The following LDB2 variants were observed in gnomAD, a reference collection of about 807,000 sequenced individuals.
LDB2 encodes the protein LIM domain binding 2.
LDB2 carries 12 observed loss-of-function variants against 44.3 expected under a neutral mutation model. That is an observed-to-expected ratio of 0.27 (90% CI 0.17 to 0.44). The LOEUF (loss-of-function observed/expected upper bound fraction) is 0.44, where lower values mean the gene tolerates loss of function less well. Among genes scored for constraint, LDB2 ranks in the 20% least tolerant of loss-of-function variants. The probability of loss-of-function intolerance (pLI) is 1.00; values close to 1 mark genes in which losing one functional copy is unlikely to be tolerated. For synonymous variants in LDB2, 164 were observed against 174.8 expected (o/e 0.94, Z 0.49); for missense variants, 344 against 473.5 (o/e 0.73, Z 2.54).
chr4:16,623,601 A>C, intron 2 of LDB2, among the ~76,000 whole-genome samples: 1 of 146,216 alleles, frequency 6.8e-6, no homozygotes, highest in East Asian at 2.1e-4. Context: ...TGTCTCAAAA[A>C]TAAATAAATA....
rs553497668 is a variant in LDB2 at position 16,562,904 on chromosome 4, A to T, written c.615+23018T>A. ...TGCAGCCATAAGAAATGATGAGTTC[A>T]TGTCCTTTGTAGGGACATGGATGAA... On this transcript the variant is annotated intron_variant, in intron 5 of 7. Transcript: ENST00000304523. 4.1e-3 allele frequency among the ~76,000 whole-genome samples: 632 copies of T among 152,330 alleles called. 3 individuals carry two copies. Among genetic ancestry groups the T allele is most frequent in the African/African-American group, 0.015 (608 of 41,570 alleles).
At chr4:16,841,671 G>T (rs1228918667) in intron 1 of LDB2, among the ~76,000 whole-genome samples, 2 of 152,152 alleles carry the variant, frequency 1.3e-5, no homozygotes, top group African/African-American at 4.8e-5. Flanking sequence ...ATAGGATGCA[G>T]TATGTGCAAA....
chr4:16,752,931 T>C (rs1403577458), intron 2 of LDB2, among the ~76,000 whole-genome samples: 1 of 151,636 alleles, frequency 6.6e-6, no homozygotes, highest in African/African-American at 2.4e-5. Flanking sequence ...AATTACTTTA[T>C]GGAAGACCAA....
intron 3 of LDB2, among the ~76,000 whole-genome samples, chr4:16,589,854 C>T (rs961074485): frequency 1.3e-5 from 2 of 152,116 alleles, no homozygotes; most frequent in Admixed American, 6.5e-5. Context: ...CTACTTTTTA[C>T]TCATTCTGGA....
At chr4:16,752,301 G>A (rs900028073) in intron 2 of LDB2, 2 of 346,566 alleles carry the variant, frequency 5.8e-6, no homozygotes, top group South Asian at 2.4e-5. Context: ...CTTGATAAAT[G>A]TTTAGTAGTT....
chr4:16,563,929 A>T lies in LDB2; in HGVS notation c.615+21993T>A, dbSNP rs143129546. 2.4e-3 allele frequency among the ~76,000 whole-genome samples: 364 copies of T among 152,292 alleles called. 1 individual carries two copies. Among genetic ancestry groups the T allele is most frequent in the Non-Finnish European group, 4.0e-3 (270 of 68,016 alleles). On this transcript the variant is annotated intron_variant, in intron 5 of 7. Coordinates refer to ENST00000304523, the MANE Select transcript of LDB2 (RefSeq NM_001290.5). ...CAGATCAGACTCCACAGAAGCCCTG[A>T]CATCAAAGATTCTCAATGGGTAGTA...
chr4:16,739,583 AAAAAAAATATATAT>A (rs1561053381), intron 2 of LDB2, among the ~76,000 whole-genome samples: 1 of 85,162 alleles, frequency 1.2e-5, no homozygotes, highest in African/African-American at 5.0e-5. Flanking sequence ...GAAAAAAAAA[AAAAAAAATATATAT>A]ATATATATAT....
At chr4:16,759,328 G>A in intron 1 of LDB2, 68 bp from the exon 2 acceptor site, 3 of 1,198,242 alleles carry the variant, frequency 2.5e-6, no homozygotes, top group Non-Finnish European at 3.7e-6. Context: ...AAGAGAAAAG[G>A]GAAGAGAAAG....
rs57676379 is a variant in LDB2 at position 16,895,238 on chromosome 4, C to T, written c.132+3116G>A. 1.1e-4 allele frequency among the ~76,000 whole-genome samples: 17 copies of T among 151,756 alleles called. No individual in the cohort carries two copies. In the East Asian group the frequency reaches 3.1e-3, roughly 28 times the overall value. ...TTGTAAGAGTTAGAAATAATATTAA[C>T]TCCCAATGCCATCCTCTTTAAACTC... On this transcript the variant is annotated intron_variant, in intron 1 of 7. Transcript: ENST00000304523.
intron 2 of LDB2, among the ~76,000 whole-genome samples, chr4:16,670,455 C>G (rs1184453388): frequency 6.6e-6 from 1 of 152,204 alleles, no homozygotes; most frequent in Non-Finnish European, 1.5e-5. Flanking sequence ...CTAGGCAACA[C>G]TTCTCAAGGA....
At chr4:16,726,621 C>T (rs901257971) in intron 2 of LDB2, 3 of 152,212 alleles carry the variant, frequency 2.0e-5, no homozygotes, top group African/African-American at 7.2e-5. Flanking sequence ...ATGCTGACAA[C>T]GAAAAGCTGT....
At chr4:16,651,474 A>G (rs1290834514) in intron 2 of LDB2, among the ~76,000 whole-genome samples, 1 of 152,196 alleles carries the variant, frequency 6.6e-6, no homozygotes, top group Non-Finnish European at 1.5e-5. Context: ...TCCCCTTGCA[A>G]GTAAATATCT....
chr4:16,800,433 A>G (rs1053090396), intron 1 of LDB2, among the ~76,000 whole-genome samples: 8 of 152,332 alleles, frequency 5.3e-5, no homozygotes, highest in African/African-American at 1.9e-4. Flanking sequence ...ATTGCTTGTA[A>G]CATCTTACCA....
At chr4:16,676,243 T>C (rs1746299325) in intron 2 of LDB2, among the ~76,000 whole-genome samples, 2 of 152,266 alleles carry the variant, frequency 1.3e-5, no homozygotes, top group African/African-American at 4.8e-5. Flanking sequence ...CACTTTGTCC[T>C]GGAGTATGTT....
chr4:16,772,537 T>C (rs1258735504), intron 1 of LDB2, among the ~76,000 whole-genome samples: 1 of 152,246 alleles, frequency 6.6e-6, no homozygotes, highest in African/African-American at 2.4e-5. Flanking sequence ...TACCAGGAAC[T>C]TTCCAGAATC....
intron 2 of LDB2, among the ~76,000 whole-genome samples, chr4:16,638,933 T>C (rs985370290): frequency 6.6e-6 from 1 of 152,216 alleles, no homozygotes; most frequent in African/African-American, 2.4e-5. Context: ...TTTAATGCTC[T>C]GTTAAAATTA....
chr4:16,686,042 ACT>A (rs1160340417), intron 2 of LDB2, among the ~76,000 whole-genome samples: 3 of 151,888 alleles, frequency 2.0e-5, no homozygotes, highest in Non-Finnish European at 4.4e-5. Flanking sequence ...ACAGAGAGAG[ACT>A]CTGTCTAAAA....
intron 2 of LDB2, among the ~76,000 whole-genome samples, chr4:16,686,794 T>A (rs535526040): frequency 6.6e-6 from 1 of 152,280 alleles, no homozygotes; most frequent in East Asian, 1.9e-4. Context: ...AGCATATAGG[T>A]CCATGGGTAC....
At chr4:16,719,416 G>A (rs567122864) in intron 2 of LDB2, among the ~76,000 whole-genome samples, 46 of 152,122 alleles carry the variant, frequency 3.0e-4, no homozygotes, top group African/African-American at 8.4e-4. Context: ...TACTATGTCC[G>A]TTCCACAGAG....
Sources: allele counts gnomAD v4.1 joint callset (sites outside exome capture counted in the v4.1 genomes callset), GRCh38; gene constraint gnomAD v4.1.1; transcripts MANE v1.5; gene names NCBI Gene and HGNC (gene_info 2026-07-23, HGNC 2026-07-21).